DYM: variants seen among roughly 807,000 people sequenced by gnomAD.
DYM encodes the protein dymeclin.
A neutral mutation model predicts 93.1 loss-of-function variants in DYM; 78 were observed. The observed-to-expected ratio is 0.84, with a 90% CI of 0.70 to 1.01. The LOEUF is 1.01. Among genes scored for constraint, DYM ranks in the 50% least tolerant of loss-of-function variants. The pLI is 0.00. For synonymous variants in DYM, 321 were observed against 319.7 expected (o/e 1.00, Z -0.04); for missense variants, 789 against 845.0 (o/e 0.93, Z 0.82).
At position 49,223,546 on chromosome 18, in the gene DYM, T is replaced by C. The variant is rs571190799; in HGVS notation, c.1461-13831A>G. 2.0e-5 allele frequency among the ~76,000 whole-genome samples: 3 copies of C among 152,278 alleles called. No homozygotes were observed. In the South Asian group the frequency reaches 6.2e-4, roughly 32 times the overall value. ...TATTTTTTTCAAAGATAATCAGGCA[T>C]AATGTGAATATGGGTTTTGAATCAG... On this transcript the variant is annotated intron_variant, in intron 13 of 17. Transcript: ENST00000675505.
chr18:49,200,779 T>C (rs529784576), intron 14 of DYM, among the ~76,000 whole-genome samples: 11 of 152,132 alleles, frequency 7.2e-5, no homozygotes, highest in Admixed American at 2.6e-4. Context: ...GTAAATGATG[T>C]TTTGATATAT....
chr18:49,383,439 A>ACC, intron 3 of DYM, among the ~76,000 whole-genome samples: 1 of 152,302 alleles, frequency 6.6e-6, no homozygotes, highest in South Asian at 2.1e-4. Context: ...AGTGAGGATA[A>ACC]TGAAGGTCCC....
chr18:49,274,743 G>T (rs933868436), intron 10 of DYM, among the ~76,000 whole-genome samples: 1 of 152,016 alleles, frequency 6.6e-6, no homozygotes, highest in African/African-American at 2.4e-5. Flanking sequence ...ATGTCAAGTT[G>T]TTTTTTTCAT....
At chr18:49,213,730 T>A (rs1445736004) in intron 13 of DYM, among the ~76,000 whole-genome samples, 1 of 152,224 alleles carries the variant, frequency 6.6e-6, no homozygotes, top group South Asian at 2.1e-4. Context: ...TTTTCCAATG[T>A]CCCTTCTTCT....
intron 8 of DYM, among the ~76,000 whole-genome samples, chr18:49,287,823 C>T (rs2059763112): frequency 3.2e-5 from 3 of 94,232 alleles, no homozygotes; most frequent in Admixed American, 1.2e-4. Flanking sequence ...AGCGAAACTC[C>T]GTCTCAAAAA....
At chr18:49,435,316 G>A (rs549545013) in intron 1 of DYM, among the ~76,000 whole-genome samples, 1 of 151,238 alleles carries the variant, frequency 6.6e-6, no homozygotes, top group East Asian at 1.9e-4. Flanking sequence ...TTATTATAAG[G>A]TATTGTGCAA....
chr18:49,270,521 A>G (rs1222060042), intron 11 of DYM, among the ~76,000 whole-genome samples: 1 of 152,202 alleles, frequency 6.6e-6, no homozygotes, highest in African/African-American at 2.4e-5. Flanking sequence ...ACTATAGTTA[A>G]TGATACTGTA....
At chr18:49,254,311 T>C (rs984296974) in intron 13 of DYM, among the ~76,000 whole-genome samples, 2 of 97,400 alleles carry the variant, frequency 2.1e-5, no homozygotes, top group Admixed American at 9.2e-5. Context: ...TATATATATA[T>C]ATATATATAT....
intron 13 of DYM, among the ~76,000 whole-genome samples, chr18:49,232,997 T>C (rs957723306): frequency 6.6e-6 from 1 of 152,138 alleles, no homozygotes; most frequent in Non-Finnish European, 1.5e-5. Context: ...TAAAGATCCA[T>C]ATAATACAAA....
At chr18:49,123,991 A>G (rs933661319) in intron 15 of DYM, among the ~76,000 whole-genome samples, 4 of 152,204 alleles carry the variant, frequency 2.6e-5, no homozygotes, top group African/African-American at 7.2e-5. Context: ...TATGCTAAGT[A>G]TAAGTGCTGA....
chr18:49,132,738 C>T (rs994054488), intron 15 of DYM, among the ~76,000 whole-genome samples: 5 of 152,060 alleles, frequency 3.3e-5, no homozygotes, highest in South Asian at 4.1e-4. Flanking sequence ...AAAAGGGTTA[C>T]AATCCAAGTA....
At position 49,384,501 on chromosome 18, in the gene DYM, T is replaced by C. The variant is rs372159639; in HGVS notation, c.194-4743A>G. Among the ~76,000 whole-genome samples, 121 of 151,188 alleles carry C rather than the reference T, an allele frequency of 8.0e-4. 1 individual carries two copies. The highest frequency in any genetic ancestry group is 2.7e-3 in the African/African-American group (112 of 41,162). On this transcript the variant is annotated intron_variant, in intron 3 of 17. Transcript: ENST00000675505. ...ATCAGCCAGGCATGGTGGCGCATGCTTGTAATCCCAACTATTTGGGAGGCT... is the reference window on the plus strand; with the variant it reads ...ATCAGCCAGGCATGGTGGCGCATGCCTGTAATCCCAACTATTTGGGAGGCT...
At chr18:49,160,033 T>C (rs995700325) in intron 15 of DYM, among the ~76,000 whole-genome samples, 12 of 152,194 alleles carry the variant, frequency 7.9e-5, no homozygotes, top group African/African-American at 2.9e-4. Context: ...AAAAAAAATC[T>C]GTTGAAAGAT....
intron 17 of DYM, among the ~76,000 whole-genome samples, chr18:49,053,563 C>T (rs1283238899): frequency 1.3e-5 from 2 of 152,150 alleles, no homozygotes; most frequent in Admixed American, 1.3e-4. Context: ...GCAGATGGCG[C>T]AGGTCGGGAG....
intron 14 of DYM, among the ~76,000 whole-genome samples, chr18:49,165,453 A>G (rs2087743856): frequency 6.6e-6 from 1 of 152,116 alleles, no homozygotes; most frequent in Non-Finnish European, 1.5e-5. Flanking sequence ...GTATTTAGTA[A>G]TCCCCTTACA....
intron 11 of DYM, among the ~76,000 whole-genome samples, chr18:49,258,839 C>CAGAGAGAGAGAGAGAGAG (rs61360021): frequency 1.8e-5 from 2 of 113,718 alleles, no homozygotes; most frequent in Non-Finnish European, 3.6e-5. Context: ...CACACACACA[C>CAGAGAGAGAGAGAGAGAG]AGAGAGAGAG....
intron 8 of DYM, among the ~76,000 whole-genome samples, chr18:49,305,394 G>A (rs1054254455): frequency 6.6e-6 from 1 of 152,146 alleles, no homozygotes; most frequent in African/African-American, 2.4e-5. Context: ...CATTGACCTA[G>A]TCCCTGGGGA....
In DYM at chr18:49,126,491, C is replaced by A. The variant is rs2082843561; in HGVS notation, c.1729-7565G>T. Reference sequence around the variant, plus strand: ...TTCTTTATGTTTCATTTTTTAAAAGCATTATTGGGTTATAATCACCACTTG... The same window carrying A: ...TTCTTTATGTTTCATTTTTTAAAAGAATTATTGGGTTATAATCACCACTTG... On this transcript the variant is annotated intron_variant, in intron 15 of 17. Coordinates refer to ENST00000675505, the MANE Select transcript of DYM (RefSeq NM_001353214.3). The A allele has an allele frequency of 3.3e-5, 5 of 152,172 alleles. No individual in the cohort carries two copies. The South Asian group carries it at 1.0e-3, about 32-fold the overall frequency. The allele number at this position is 152,172 out of a possible 1,614,324, so 9.4% of individuals were successfully genotyped here.
chr18:49,262,240 G>A (rs889648586), intron 11 of DYM, among the ~76,000 whole-genome samples: 2 of 152,072 alleles, frequency 1.3e-5, no homozygotes, highest in African/African-American at 4.8e-5. Flanking sequence ...GCAAGCCAAG[G>A]GACACCAAGT....
Sources: gnomAD v4.1 joint callset for allele counts (sites outside exome capture counted in the v4.1 genomes callset) on GRCh38, gnomAD v4.1.1 for gene constraint, MANE v1.5 for transcripts, NCBI Gene and HGNC (gene_info 2026-07-23, HGNC 2026-07-21) for gene names.